Variants in SEMA3D observed in about 807,000 individuals in gnomAD.
SEMA3D encodes semaphorin 3D, also known as semaphorin-3D.
In SEMA3D, 84 loss-of-function variants were observed where a neutral mutation model predicts 100.1. The ratio of observed to expected loss-of-function variants is 0.84; its 90% confidence interval spans 0.70 to 1.01. The LOEUF is 1.01. Among genes scored for constraint, SEMA3D ranks in the 50% least tolerant of loss-of-function variants. The pLI is 0.00. For missense variants in SEMA3D, 875 were observed against 934.1 expected, an observed-to-expected ratio of 0.94 and a Z score of 0.82; for synonymous variants, 312 against 320.7, an observed-to-expected ratio of 0.97 and a Z score of 0.29.
At chr7:85,030,848 A>G (rs1001511224) in intron 12 of SEMA3D, among the ~76,000 whole-genome samples, 1 of 151,988 alleles carries the variant, frequency 6.6e-6, no homozygotes, top group Non-Finnish European at 1.5e-5. Flanking sequence ...TGGTTTCTAT[A>G]TCTGACCTGT....
chr7:85,016,541 C>G (rs919995595), intron 15 of SEMA3D, among the ~76,000 whole-genome samples: 3 of 151,556 alleles, frequency 2.0e-5, no homozygotes, highest in African/African-American at 7.3e-5. Flanking sequence ...TCTATTTCCT[C>G]CCCTCCCTTG....
intron 8 of SEMA3D, among the ~76,000 whole-genome samples, chr7:85,056,613 T>TTA (rs574033048): frequency 6.7e-6 from 1 of 149,724 alleles, no homozygotes; most frequent in Non-Finnish European, 1.5e-5. Context: ...ATATAACATT[T>TTA]TATATATATA....
chr7:85,091,958 A>C (rs1197983702), intron 4 of SEMA3D, among the ~76,000 whole-genome samples: 1 of 152,026 alleles, frequency 6.6e-6, no homozygotes, highest in Non-Finnish European at 1.5e-5. Flanking sequence ...ATCTACATAC[A>C]ATCACTTCTG....
At chr7:85,229,429 A>G in the SEMA3D span, among the ~76,000 whole-genome samples, 2 of 152,074 alleles carry the variant, frequency 1.3e-5, no homozygotes, top group African/African-American at 2.4e-5. Context: ...TACATATTCA[A>G]TAAGAGCATT....
the SEMA3D span, among the ~76,000 whole-genome samples, chr7:85,242,724 T>C: frequency 1.3e-5 from 2 of 152,202 alleles, no homozygotes; most frequent in South Asian, 4.1e-4. Context: ...GCTCTGTTTT[T>C]GGGTGTATAA....
the SEMA3D span, among the ~76,000 whole-genome samples, chr7:85,223,506 A>G: frequency 3.3e-5 from 5 of 151,850 alleles, no homozygotes; most frequent in Non-Finnish European, 5.9e-5. Context: ...TGAGAAGATA[A>G]ATAAAATATG....
At chr7:85,103,966 T>C (rs139598520) in intron 3 of SEMA3D, among the ~76,000 whole-genome samples, 2 of 152,210 alleles carry the variant, frequency 1.3e-5, no homozygotes, top group East Asian at 3.9e-4. Flanking sequence ...TTCACGTTTG[T>C]ATGTATGTGT....
rs1050851105 is a variant in SEMA3D, at chr7:85,181,720, T to A, written c.-173+4958A>T. On this transcript the variant is annotated intron_variant, in intron 1 of 18. Transcript: ENST00000284136. ...AAAGGAGGGGAGAAAAAGAAGGTAA[T>A]CTTTGTAGCTTATTGAGCTTTGCAA... 1.2e-5 allele frequency: 11 copies of A among 912,770 alleles called. No homozygotes were observed. In the Admixed American group the frequency reaches 5.0e-4, roughly 41 times the overall value. The allele number at this position is 912,770 out of a possible 1,614,324, so 56.5% of individuals were successfully genotyped here. A position where few individuals can be genotyped will look rare whatever the true frequency, so the allele number is the denominator to read the frequency against.
intron 2 of SEMA3D, among the ~76,000 whole-genome samples, chr7:85,148,723 C>G (rs1790283375): frequency 6.6e-6 from 1 of 152,088 alleles, no homozygotes; most frequent in Admixed American, 6.6e-5. Flanking sequence ...TAGTTAGAAA[C>G]TTTGAAAAAA....
the SEMA3D span, among the ~76,000 whole-genome samples, chr7:85,229,605 T>C: frequency 3.3e-5 from 5 of 152,190 alleles, no homozygotes; most frequent in South Asian, 1.0e-3. Context: ...GTGCCCTTGA[T>C]GAAAAACCAA....
chr7:85,105,720 T>A (rs1207467865), intron 3 of SEMA3D, among the ~76,000 whole-genome samples: 1 of 152,076 alleles, frequency 6.6e-6, no homozygotes, highest in Non-Finnish European at 1.5e-5. Flanking sequence ...ATTCTCTTGC[T>A]TTTCTGTGAT....
chr7:85,063,826 C>G (rs572187904), intron 8 of SEMA3D, among the ~76,000 whole-genome samples: 1 of 152,246 alleles, frequency 6.6e-6, no homozygotes, highest in African/African-American at 2.4e-5. Flanking sequence ...AGCTTTGTAG[C>G]CTTGTCTCCT....
chr7:85,169,466 G>GT (rs1286247386), intron 1 of SEMA3D, among the ~76,000 whole-genome samples: 1 of 151,828 alleles, frequency 6.6e-6, no homozygotes, highest in Non-Finnish European at 1.5e-5. Context: ...TGGGCTGATA[G>GT]TAAGGAGGCA....
the SEMA3D span, among the ~76,000 whole-genome samples, chr7:85,216,556 A>G: frequency 6.6e-6 from 1 of 152,010 alleles, no homozygotes; most frequent in Non-Finnish European, 1.5e-5. Context: ...TTTTTTTTTA[A>G]GTGCAAGATG....
At chr7:85,178,283 AC>A (rs1326555111) in intron 1 of SEMA3D, among the ~76,000 whole-genome samples, 7 of 152,192 alleles carry the variant, frequency 4.6e-5, no homozygotes, top group Non-Finnish European at 8.8e-5. Context: ...TGTGGAAGCG[AC>A]TTTGGAACTG....
At chr7:85,150,535 A>T (rs1790350648) in intron 2 of SEMA3D, among the ~76,000 whole-genome samples, 1 of 147,802 alleles carries the variant, frequency 6.8e-6, no homozygotes, top group African/African-American at 2.5e-5. Context: ...TATTATATAT[A>T]TAGAATATAT....
Position 85,122,365 on chromosome 7 carries a change from A to G in SEMA3D, c.-40-434T>C, listed in dbSNP as rs1789451038. Reference sequence around the variant, plus strand: ...TGTTTTACTCTTATAGAAATGAATCAGAACTGGGGAATAAAATTAAGGACT... The same window carrying G: ...TGTTTTACTCTTATAGAAATGAATCGGAACTGGGGAATAAAATTAAGGACT... On this transcript the variant is annotated intron_variant, in intron 2 of 18. Coordinates refer to ENST00000284136, the MANE Select transcript of SEMA3D (RefSeq NM_001384900.1). Among the ~76,000 whole-genome samples the G allele has an allele frequency of 3.3e-5, 5 of 152,194 alleles. 1 individual carries two copies. In the South Asian group the frequency reaches 1.0e-3, roughly 31 times the overall value.
chr7:85,181,777 G>C, intron 1 of SEMA3D: 2 of 982,432 alleles, frequency 2.0e-6, no homozygotes, highest in Non-Finnish European at 2.4e-6. Flanking sequence ...ACTGACCAGT[G>C]AAAGATTAGC....
the SEMA3D span, among the ~76,000 whole-genome samples, chr7:85,250,148 C>A: frequency 1.3e-5 from 2 of 151,848 alleles, no homozygotes; most frequent in Middle Eastern, 3.2e-3. Flanking sequence ...CCGAATACTG[C>A]GCTTTTCCGA....
Sources: allele counts gnomAD v4.1 joint callset (sites outside exome capture counted in the v4.1 genomes callset), GRCh38; gene constraint gnomAD v4.1.1; transcripts MANE v1.5; gene names NCBI Gene and HGNC (gene_info 2026-07-23, HGNC 2026-07-21).